RBPJ: variants seen among roughly 807,000 people sequenced by gnomAD.
The protein encoded by RBPJ is recombining binding protein suppressor of hairless.
In RBPJ, 9 loss-of-function variants were observed where a neutral mutation model predicts 67.8. That is an observed-to-expected ratio of 0.13 (90% CI 0.08 to 0.23). The LOEUF is 0.23. Among genes scored for constraint, RBPJ ranks in the 10% least tolerant of loss-of-function variants. The pLI, the probability that RBPJ is intolerant of heterozygous loss-of-function variation, is 1.00. For missense variants in RBPJ, 305 were observed against 595.6 expected (o/e 0.51, Z 5.08); for synonymous variants, 198 against 203.3 (o/e 0.97, Z 0.22).
intron 1 of RBPJ, among the ~76,000 whole-genome samples, chr4:26,335,725 A>T (rs1049896612): frequency 7.0e-6 from 1 of 142,604 alleles, no homozygotes; most frequent in South Asian, 2.2e-4. Context: ...GTTTTACGCC[A>T]TTCTCCTGCC....
Position 26,304,647 on chromosome 4 carries a change from A to T in RBPJ, c.-166-57799A>T, listed in dbSNP as rs1419511294. Among the ~76,000 whole-genome samples the T allele has an allele frequency of 2.0e-5, 3 of 152,258 alleles. No individual in the cohort carries two copies. In the East Asian group the frequency reaches 5.8e-4, roughly 29 times the overall value. ...AATGGTCATTTGCACATCTTTGGAGAAATATGTATTCAGATCTTTTGCCCA... is the reference window on the plus strand; with the variant it reads ...AATGGTCATTTGCACATCTTTGGAGTAATATGTATTCAGATCTTTTGCCCA... On this transcript the variant is annotated intron_variant, in intron 1 of 4. Coordinates refer to the RBPJ transcript ENST00000512351.
the RBPJ span, among the ~76,000 whole-genome samples, chr4:26,154,771 G>A: frequency 0.069 from 10,535 of 152,238 alleles, 423 homozygotes; most frequent in Middle Eastern, 0.12. Flanking sequence ...ATGGAGGAAG[G>A]CAAAGGTGAG....
chr4:26,241,758 C>T (rs113377456), intron 1 of RBPJ, among the ~76,000 whole-genome samples: 1 of 152,054 alleles, frequency 6.6e-6, no homozygotes, highest in African/African-American at 2.4e-5. Flanking sequence ...GTGATCTGCC[C>T]GCCCAGACCT....
intron 1 of RBPJ, among the ~76,000 whole-genome samples, chr4:26,326,269 C>T (rs1723620730): frequency 6.6e-6 from 1 of 151,672 alleles, no homozygotes; most frequent in Non-Finnish European, 1.5e-5. Context: ...TATTTTCAGC[C>T]ACAAGCAATC....
intron 7 of RBPJ, among the ~76,000 whole-genome samples, chr4:26,425,460 CA>C (rs112277202): frequency 0.021 from 3,108 of 148,168 alleles, 66 homozygotes; most frequent in African/African-American, 0.058. Context: ...CCCGCCCCCC[CA>C]AAAAAAAAAT....
At chr4:26,114,279 C>T in the RBPJ span, among the ~76,000 whole-genome samples, 3 of 151,656 alleles carry the variant, frequency 2.0e-5, no homozygotes, top group Non-Finnish European at 4.4e-5. Flanking sequence ...ACCAACATGG[C>T]GAAACCCCGT....
intron 1 of RBPJ, among the ~76,000 whole-genome samples, chr4:26,342,545 G>A (rs990791584): frequency 3.9e-5 from 6 of 152,138 alleles, no homozygotes; most frequent in South Asian, 2.1e-4. Context: ...TCTCCCATGC[G>A]TGGTTAACTT....
intron 1 of RBPJ, among the ~76,000 whole-genome samples, chr4:26,183,664 C>T (rs1577445622): frequency 1.3e-5 from 2 of 152,240 alleles, no homozygotes; most frequent in Middle Eastern, 6.8e-3. Flanking sequence ...CTGGCTGATC[C>T]CAGCAGCCTT....
At chr4:26,225,000 T>C (rs1399248600) in intron 1 of RBPJ, among the ~76,000 whole-genome samples, 5 of 152,108 alleles carry the variant, frequency 3.3e-5, no homozygotes, top group African/African-American at 1.2e-4. Context: ...CAGTGAAAAC[T>C]GAAAAGAACC....
At chr4:26,212,485 G>T (rs1718463787) in intron 1 of RBPJ, among the ~76,000 whole-genome samples, 1 of 137,270 alleles carries the variant, frequency 7.3e-6, no homozygotes, top group Non-Finnish European at 1.5e-5. Context: ...CACCCAGGCT[G>T]GAGTGCAGTG....
the RBPJ span, among the ~76,000 whole-genome samples, chr4:26,146,637 T>G: frequency 2.0e-5 from 3 of 152,166 alleles, no homozygotes; most frequent in African/African-American, 4.8e-5. Flanking sequence ...TAAACACAAC[T>G]CCTGCTCTCA....
At position 26,321,040 on chromosome 4, in the gene RBPJ, T is replaced by C. The variant is rs1292100664; in HGVS notation, c.12T>C (p.Val4=). 3 of 1,611,462 alleles carry C rather than the reference T, an allele frequency of 1.9e-6. No homozygotes were observed. Among genetic ancestry groups the C allele is most frequent in the South Asian group, 2.2e-5 (2 of 91,032 alleles). Residue 4 remains valine (V), a synonymous_variant, in exon 1 of 11, where the codon GTT becomes GTC. Coordinates refer to ENST00000355476, the MANE Select transcript of RBPJ (RefSeq NM_015874.6). ...AGAGTTTGTGGAAGATGGCGCCTGT[T>C]GTGACAGGGTAAGTCTGAGGGAATC... is the stretch of plus-strand genomic sequence containing the variant. MAP[V]VTGKFGERPP... is the part of the protein sequence containing the mutation.
chr4:26,167,109 G>A (rs1716346172), intron 1 of RBPJ, among the ~76,000 whole-genome samples: 1 of 151,994 alleles, frequency 6.6e-6, no homozygotes, highest in Admixed American at 6.6e-5. Context: ...TGCTGTTTTG[G>A]TTACTGTAGC....
At chr4:26,385,545 A>G (rs1236812401) in intron 1 of RBPJ, among the ~76,000 whole-genome samples, 1 of 152,116 alleles carries the variant, frequency 6.6e-6, no homozygotes, top group Non-Finnish European at 1.5e-5. Context: ...TCCAGCCTGA[A>G]TTGTGCTTTC....
intron 2 of RBPJ, among the ~76,000 whole-genome samples, chr4:26,404,519 G>A (rs1245659001): frequency 6.6e-6 from 1 of 152,160 alleles, no homozygotes; most frequent in Admixed American, 6.5e-5. Flanking sequence ...CACTGCCGTG[G>A]CTCACCTTAG....
rs1361612201 is a variant in RBPJ at position 26,343,518 on chromosome 4, T to C, written c.20+22470T>C. On this transcript the variant is annotated intron_variant, in intron 1 of 10. Coordinates refer to ENST00000355476, the MANE Select transcript of RBPJ (RefSeq NM_015874.6). Reference sequence around the variant, plus strand: ...TAAGGCATAGTGTATGTACCCACTTTTATTTCAGAAAAATACAGGTTGTTT... The same window carrying C: ...TAAGGCATAGTGTATGTACCCACTTCTATTTCAGAAAAATACAGGTTGTTT... Among the ~76,000 whole-genome samples the C allele has an allele frequency of 2.6e-5, 4 of 152,068 alleles. No homozygotes were observed. The East Asian group carries it at 5.8e-4, about 22-fold the overall frequency.
chr4:26,420,091 ATATTT>A (rs1041460096), intron 4 of RBPJ, among the ~76,000 whole-genome samples: 1 of 152,174 alleles, frequency 6.6e-6, no homozygotes, highest in Admixed American at 6.5e-5. Context: ...ATAAAGAAAA[ATATTT>A]TATGCACTAT....
chr4:26,141,051 T>C, the RBPJ span, among the ~76,000 whole-genome samples: 1 of 152,136 alleles, frequency 6.6e-6, no homozygotes, highest in African/African-American at 2.4e-5. Context: ...CTGGGGTAGA[T>C]CCTGGATTTG....
the RBPJ span, among the ~76,000 whole-genome samples, chr4:26,107,616 G>A: frequency 3.9e-5 from 6 of 152,218 alleles, no homozygotes; most frequent in Non-Finnish European, 7.3e-5. Context: ...TTCTCTTTGG[G>A]TCCAGGTGTG....
Sources: allele counts gnomAD v4.1 joint callset (sites outside exome capture counted in the v4.1 genomes callset), GRCh38; gene constraint gnomAD v4.1.1; transcripts MANE v1.5; gene names NCBI Gene and HGNC (gene_info 2026-07-23, HGNC 2026-07-21).